DIP2A: variants seen among roughly 807,000 people sequenced by gnomAD.
DIP2A encodes the protein disco-interacting protein 2 homolog A.
A neutral mutation model predicts 177.4 loss-of-function variants in DIP2A; 85 were observed. The observed-to-expected ratio is 0.48, with a 90% CI of 0.40 to 0.57. The LOEUF (loss-of-function observed/expected upper bound fraction) is 0.57, where lower values mean the gene tolerates loss of function less well. DIP2A is among the 20% of genes least tolerant of loss of function. The pLI, the probability that DIP2A is intolerant of heterozygous loss-of-function variation, is 0.00. For missense variants in DIP2A, 1,791 were observed against 2,100.2 expected (o/e 0.85, Z 2.88); for synonymous variants, 886 against 881.8 (o/e 1.00, Z -0.08).
At chr21:46,511,053 C>T (rs1320609102) in intron 7 of DIP2A, among the ~76,000 whole-genome samples, 1 of 152,206 alleles carries the variant, frequency 6.6e-6, no homozygotes, top group Non-Finnish European at 1.5e-5. Flanking sequence ...CAGGTCCTAT[C>T]TCCAGGCTGT....
chr21:46,554,795 A>G (rs781020917), intron 27 of DIP2A, 27 bp from the exon 28 acceptor site: 1 of 209,756 alleles, frequency 4.8e-6, no homozygotes, highest in South Asian at 4.6e-5. Flanking sequence ...GGCCCCGCCC[A>G]CCCACCCTTG....
chr21:46,555,481 G>A (rs2060433521), intron 28 of DIP2A: 1 of 195,862 alleles, frequency 5.1e-6, no homozygotes, highest in South Asian at 8.7e-5. Flanking sequence ...AAGCCTCACG[G>A]GCTTGCCTCA....
At chr21:46,471,555 C>CATTTTCAGT (rs1001237850) in intron 1 of DIP2A, among the ~76,000 whole-genome samples, 1 of 152,162 alleles carries the variant, frequency 6.6e-6, no homozygotes, top group African/African-American at 2.4e-5. Flanking sequence ...AATTAGCTGA[C>CATTTTCAGT]ATTTTCAGTA....
intron 13 of DIP2A, among the ~76,000 whole-genome samples, chr21:46,536,742 A>G (rs1264762575): frequency 1.3e-5 from 2 of 152,102 alleles, no homozygotes; most frequent in Non-Finnish European, 2.9e-5. Context: ...CTTCTCTACT[A>G]AAAATACAAA....
intron 1 of DIP2A, among the ~76,000 whole-genome samples, chr21:46,477,803 C>T (rs772339993): frequency 2.2e-4 from 34 of 151,674 alleles, no homozygotes; most frequent in Non-Finnish European, 3.4e-4. Flanking sequence ...AGGCTGGTCA[C>T]GAATTCCTGA....
At chr21:46,514,672 CCAGTA>C (rs2058489308) in intron 8 of DIP2A, among the ~76,000 whole-genome samples, 1 of 120,430 alleles carries the variant, frequency 8.3e-6, no homozygotes, top group Non-Finnish European at 1.6e-5. Context: ...GCTAGAACCT[CCAGTA>C]CAGTGTGAAA....
At chr21:46,509,198 T>A in intron 6 of DIP2A, 59 bp from the exon 7 acceptor site, 1 of 1,542,570 alleles carries the variant, frequency 6.5e-7, no homozygotes, top group Non-Finnish European at 8.7e-7. Flanking sequence ...ACCTTACACC[T>A]GTGTCCACTT....
At position 46,509,240 on chromosome 21, in the gene DIP2A, T is replaced by C. The variant is rs760329615; in HGVS notation, c.785-17T>C. 6.2e-7 allele frequency: 1 copy of C among 1,608,114 alleles called. No individual in the cohort carries two copies. The highest frequency in any genetic ancestry group is 1.1e-5 in the South Asian group (1 of 90,138). ...ATGTGTCCTGGCCTCAGTGCTCCTCTGTCCTTCCCGTGACAGGTGTCCCTG... is the reference window on the plus strand; with the variant it reads ...ATGTGTCCTGGCCTCAGTGCTCCTCCGTCCTTCCCGTGACAGGTGTCCCTG... On this transcript the variant is annotated splice_polypyrimidine_tract_variant and intron_variant, in intron 6 of 37. Coordinates refer to ENST00000417564, the MANE Select transcript of DIP2A (RefSeq NM_015151.4).
intron 22 of DIP2A, 185 bp downstream of exon 22, chr21:46,550,070 T>C (rs1296650109): frequency 7.2e-7 from 1 of 1,386,082 alleles, no homozygotes; most frequent in East Asian, 2.5e-5. Flanking sequence ...CAAAGTGATG[T>C]TATAATTTAT....
chr21:46,557,146 C>T lies in DIP2A; in HGVS notation c.3629+77C>T, dbSNP rs1003666475. On this transcript the variant is annotated intron_variant, in intron 30 of 37. Coordinates refer to ENST00000417564, the MANE Select transcript of DIP2A (RefSeq NM_015151.4). The surrounding 1 kb of genome is among the most constrained non-coding windows in gnomAD (Gnocchi z 6.0). ...TTAGGAACCTTGGCCTTCTAAGGCA[C>T]CTTTTCTGGGTGCTCAGGAAGCCGA... is the stretch of plus-strand genomic sequence containing the variant. 8.1e-6 allele frequency: 12 copies of T among 1,472,530 alleles called. No individual in the cohort carries two copies. In the South Asian group the frequency reaches 1.4e-4, roughly 18 times the overall value. The allele number at this position is 1,472,530 out of a possible 1,614,324, so 91.2% of individuals were successfully genotyped here. A position where few individuals can be genotyped will look rare whatever the true frequency, so the allele number is the denominator to read the frequency against.
At chr21:46,493,572 CA>C (rs2057143817) in intron 3 of DIP2A, among the ~76,000 whole-genome samples, 1 of 152,044 alleles carries the variant, frequency 6.6e-6, no homozygotes, top group Non-Finnish European at 1.5e-5. Context: ...TTTTTGTCTT[CA>C]AAACTATTGC....
At chr21:46,528,568 T>A (rs146398153) in intron 8 of DIP2A, among the ~76,000 whole-genome samples, 10,864 of 90,478 alleles carry the variant, frequency 0.12, 1,071 homozygotes, top group Middle Eastern at 0.17. Flanking sequence ...TTTTTTTTTT[T>A]AGATAATGTC....
In DIP2A at chr21:46,498,897, G is replaced by A; in HGVS notation, c.655+64G>A. ...CGGGGTCAGGAGTGTCCAGGACAGA[G>A]GAGCAGATGGAGGGCACCTGAGCCA... On this transcript the variant is annotated intron_variant, in intron 5 of 37. Coordinates refer to ENST00000417564, the MANE Select transcript of DIP2A (RefSeq NM_015151.4). This position sits in a 1 kb window ranked among gnomAD's most constrained non-coding sequence, Gnocchi z 4.3. The A allele has an allele frequency of 6.7e-7, 1 of 1,492,358 alleles. No individual in the cohort carries two copies. Among genetic ancestry groups the A allele is most frequent in the Non-Finnish European group, 8.9e-7 (1 of 1,117,812 alleles). The allele number at this position is 1,492,358 out of a possible 1,614,324, so 92.4% of individuals were successfully genotyped here. A position where few individuals can be genotyped will look rare whatever the true frequency, so the allele number is the denominator to read the frequency against.
intron 1 of DIP2A, among the ~76,000 whole-genome samples, chr21:46,461,492 A>G (rs1294420798): frequency 2.0e-5 from 3 of 152,080 alleles, no homozygotes; most frequent in Non-Finnish European, 4.4e-5. Flanking sequence ...TTCTGCTCCA[A>G]TGTATTCATT....
At chr21:46,558,612 T>A (rs2060556978) in intron 32 of DIP2A, 1 of 588,204 alleles carries the variant, frequency 1.7e-6, no homozygotes, top group South Asian at 2.0e-5. Flanking sequence ...AAAAAACACA[T>A]TGTTTTTGAA....
chr21:46,495,417 C>T (rs2057301254), intron 3 of DIP2A, among the ~76,000 whole-genome samples: 1 of 151,704 alleles, frequency 6.6e-6, no homozygotes, highest in Non-Finnish European at 1.5e-5. Context: ...TACAGGCATG[C>T]ACCACCATGC....
At position 46,511,585 on chromosome 21, in the gene DIP2A, C is replaced by T. The variant is rs754662827; in HGVS notation, c.1073C>T (p.Thr358Ile). Residue 358 changes from threonine (T) to isoleucine (I), a missense_variant, in exon 8 of 38, where the codon ACT becomes ATT. Coordinates refer to ENST00000417564, the MANE Select transcript of DIP2A (RefSeq NM_015151.4). ...KSPCLTALDT[T>I]GKAVYTLTYG... ...CCCTGTCTGACTGCCTTGGATACAA[C>T]TGGGAAAGCCGTCTACACTCTCACC... The T allele has an allele frequency of 3.8e-6, 6 of 1,563,974 alleles. No homozygotes were observed. The highest frequency in any genetic ancestry group is 4.3e-6 in the Non-Finnish European group (5 of 1,158,102).
At chr21:46,460,761 T>C (rs532032159) in intron 1 of DIP2A, among the ~76,000 whole-genome samples, 7 of 152,172 alleles carry the variant, frequency 4.6e-5, no homozygotes, top group African/African-American at 2.4e-5. Flanking sequence ...TGGCGTGATC[T>C]CGGCTCACTG....
intron 23 of DIP2A, among the ~76,000 whole-genome samples, chr21:46,551,378 A>G (rs2060266209): frequency 1.3e-5 from 2 of 152,230 alleles, no homozygotes; most frequent in African/African-American, 4.8e-5. Flanking sequence ...TTTTGCTGTG[A>G]CTGAGGCCAA....
Sources: allele counts gnomAD v4.1 joint callset (sites outside exome capture counted in the v4.1 genomes callset), GRCh38; gene constraint gnomAD v4.1.1; non-coding constraint Gnocchi (gnomAD v3.1); transcripts MANE v1.5; gene names NCBI Gene and HGNC (gene_info 2026-07-23, HGNC 2026-07-21).